Variants in RTBDN observed in about 807,000 individuals in gnomAD.
RTBDN encodes retbindin.
In RTBDN, 24 loss-of-function variants were observed where a neutral mutation model predicts 21.9. That is an observed-to-expected ratio of 1.10 (90% CI 0.79 to 1.54). The LOEUF is 1.54. RTBDN is among the 40% of genes most tolerant of loss of function. The pLI, the probability that RTBDN is intolerant of heterozygous loss-of-function variation, is 0.00. For synonymous variants in RTBDN, 141 were observed against 125.9 expected, an observed-to-expected ratio of 1.12 and a Z score of -0.80; for missense variants, 325 against 315.2, an observed-to-expected ratio of 1.03 and a Z score of -0.23.
upstream of RTBDN, chr19:12,834,732 C>T (rs757814798): frequency 4.0e-5 from 63 of 1,589,608 alleles, no homozygotes; most frequent in Non-Finnish European, 5.0e-5. The surrounding 1 kb of genome is among the most constrained non-coding windows in gnomAD (Gnocchi z 4.7). Context: ...CACTGAGGAT[C>T]GCTGTGGAGT....
upstream of RTBDN, chr19:12,834,601 C>T: frequency 5.9e-6 from 9 of 1,517,074 alleles, no homozygotes; most frequent in Non-Finnish European, 8.0e-6. This position sits in a 1 kb window ranked among gnomAD's most constrained non-coding sequence, Gnocchi z 4.7. Context: ...CACCGCGATC[C>T]TCAAGTCCAG....
chr19:12,825,959 T>C (rs1469663061), intron 5 of RTBDN, 26 bp from the exon 6 acceptor site: 2 of 1,540,378 alleles, frequency 1.3e-6, no homozygotes, highest in South Asian at 2.5e-5. Flanking sequence ...GTTAAGGCCC[T>C]AGTGGGCGGA....
chr19:12,834,675 G>A, upstream of RTBDN: 1 of 1,546,316 alleles, frequency 6.5e-7, no homozygotes, highest in Non-Finnish European at 8.9e-7. This position sits in a 1 kb window ranked among gnomAD's most constrained non-coding sequence, Gnocchi z 4.7. Flanking sequence ...TGCTGGTCTC[G>A]AGGCTGCGCA....
At chr19:12,826,176 A>G (rs1304705316) in intron 5 of RTBDN, 3 of 1,372,200 alleles carry the variant, frequency 2.2e-6, no homozygotes, top group Non-Finnish European at 2.8e-6. Flanking sequence ...AGAGGTCTGT[A>G]TCAAGGCTGG....
intron 1 of RTBDN, among the ~76,000 whole-genome samples, chr19:12,832,353 C>G (rs1359027707): frequency 2.0e-5 from 3 of 152,140 alleles, no homozygotes; most frequent in Non-Finnish European, 4.4e-5. Flanking sequence ...GTCTCTGGGT[C>G]CCTCTGTGTA....
intron 4 of RTBDN, among the ~76,000 whole-genome samples, chr19:12,827,151 G>A (rs141495647): frequency 3.3e-5 from 5 of 151,930 alleles, no homozygotes; most frequent in Middle Eastern, 3.4e-3. Context: ...CCACTCTTTC[G>A]TTTTCCTTTT....
upstream of RTBDN, chr19:12,834,792 G>A (rs988853789): frequency 1.2e-6 from 2 of 1,614,040 alleles, no homozygotes; most frequent in Non-Finnish European, 1.7e-6. This position sits in a 1 kb window ranked among gnomAD's most constrained non-coding sequence, Gnocchi z 4.7. Context: ...TACCTCCAAG[G>A]TGGGGAGGGA....
rs1969492947 is a variant in RTBDN, at chr19:12,829,844, C to T, written c.136G>A (p.Ala46Thr). 6.2e-7 allele frequency: 1 copy of T among 1,613,742 alleles called. No individual in the cohort carries two copies. Among genetic ancestry groups the T allele is most frequent in the Non-Finnish European group, 8.5e-7 (1 of 1,179,762 alleles). ...TGCAGCTTGCCTTTGCCCAGATCAG[C>T]TGCCAGCCCATGGTGTTGCTGGGAC... ...ARSQQHHGLA[A>T]DLGKGKLHLA... The change falls in exon 2 of 6, where the codon GCT (alanine) becomes ACT (threonine). Residue 46 changes from alanine to threonine, a missense_variant. Transcript: ENST00000674343.
chr19:12,826,433 C>T (rs961657709), intron 5 of RTBDN: 8 of 1,247,086 alleles, frequency 6.4e-6, no homozygotes, highest in Non-Finnish European at 8.2e-6. Context: ...GTGGCTCACA[C>T]CTGTAATCCC....
At chr19:12,826,388 C>T (rs1368189073) in intron 5 of RTBDN, 2 of 1,275,100 alleles carry the variant, frequency 1.6e-6, no homozygotes, top group Non-Finnish European at 2.0e-6. Flanking sequence ...GGGGTCTAGA[C>T]ACGGTAAGAA....
chr19:12,834,861 C>T, upstream of RTBDN: 5 of 1,614,032 alleles, frequency 3.1e-6, no homozygotes, highest in Non-Finnish European at 3.4e-6. The surrounding 1 kb of genome is among the most constrained non-coding windows in gnomAD (Gnocchi z 4.7). Context: ...GGGGTTAGTA[C>T]GGAAGTTCAG....
chr19:12,833,338 T>A (rs570276919), intron 1 of RTBDN, among the ~76,000 whole-genome samples: 1 of 132,204 alleles, frequency 7.6e-6, no homozygotes, highest in African/African-American at 3.2e-5. Flanking sequence ...GGGTCTCTGA[T>A]TGGGGGTATC....
chr19:12,831,614 G>A (rs1969576785), intron 1 of RTBDN, among the ~76,000 whole-genome samples: 1 of 152,184 alleles, frequency 6.6e-6, no homozygotes, highest in Non-Finnish European at 1.5e-5. Flanking sequence ...GCTGAGGCAT[G>A]AAAATAGTTT....
At chr19:12,833,646 T>A (rs182849735) in intron 1 of RTBDN, among the ~76,000 whole-genome samples, 28 of 152,190 alleles carry the variant, frequency 1.8e-4, no homozygotes, top group Admixed American at 1.6e-3. Flanking sequence ...AGAATATCTC[T>A]CCTCTGGGGT....
chr19:12,832,527 A>T (rs1317056159), intron 1 of RTBDN: 1 of 152,074 alleles, frequency 6.6e-6, no homozygotes, highest in African/African-American at 2.4e-5. Context: ...CCCTAATCTC[A>T]GCCCCCGACC....
At position 12,825,554 on chromosome 19, in the gene RTBDN, G is replaced by A. The variant is rs2145839302; in HGVS notation, c.*152C>T. On this transcript the variant is annotated 3_prime_UTR_variant, in exon 6 of 6. Transcript: ENST00000674343. Reference sequence around the variant, plus strand: ...AGTTGGGTCATTTCTGGGATAACCTGGAGAGGGGTGGGTCTCTGGAGCTCC... The same window carrying A: ...AGTTGGGTCATTTCTGGGATAACCTAGAGAGGGGTGGGTCTCTGGAGCTCC... 1.7e-6 allele frequency: 2 copies of A among 1,186,952 alleles called. No individual in the cohort carries two copies. The highest frequency in any genetic ancestry group is 5.7e-5 in the East Asian group (2 of 34,984). The allele number at this position is 1,186,952 out of a possible 1,614,324, so 73.5% of individuals were successfully genotyped here. A position where few individuals can be genotyped will look rare whatever the true frequency, so the allele number is the denominator to read the frequency against.
chr19:12,833,432 A>T (rs1969647423), intron 1 of RTBDN, among the ~76,000 whole-genome samples: 1 of 151,686 alleles, frequency 6.6e-6, no homozygotes, highest in Non-Finnish European at 1.5e-5. Flanking sequence ...TTTGAGAGGA[A>T]AGTCACCTCT....
chr19:12,828,599 C>T, intron 4 of RTBDN, 58 bp downstream of exon 4: 1 of 1,371,536 alleles, frequency 7.3e-7, no homozygotes, highest in Non-Finnish European at 1.0e-6. Flanking sequence ...AAACTGCAGG[C>T]TCCGCCCTCT....
upstream of RTBDN, chr19:12,834,613 C>A: frequency 6.6e-7 from 1 of 1,516,488 alleles, no homozygotes; most frequent in Non-Finnish European, 8.8e-7. This position sits in a 1 kb window ranked among gnomAD's most constrained non-coding sequence, Gnocchi z 4.7. Flanking sequence ...CAAGTCCAGC[C>A]CAGCTTGTGG....
Sources: gnomAD v4.1 joint callset for allele counts (sites outside exome capture counted in the v4.1 genomes callset) on GRCh38, gnomAD v4.1.1 for gene constraint, Gnocchi (gnomAD v3.1) non-coding constraint, MANE v1.5 for transcripts, NCBI Gene and HGNC (gene_info 2026-07-23, HGNC 2026-07-21) for gene names.